The following OSBPL6 variants were observed in gnomAD, a reference collection of about 807,000 sequenced individuals.
OSBPL6 encodes oxysterol binding protein like 6.
A neutral mutation model predicts 125.8 loss-of-function variants in OSBPL6; 49 were observed. The ratio of observed to expected loss-of-function variants is 0.39; its 90% CI spans 0.31 to 0.49. The LOEUF (loss-of-function observed/expected upper bound fraction) is 0.49. Among genes scored for constraint, OSBPL6 ranks in the 20% least tolerant of loss-of-function variants. OSBPL6 has a pLI of 0.88. For missense variants in OSBPL6, 986 were observed against 1,135.4 expected, an observed-to-expected ratio of 0.87 and a Z score of 1.89; for synonymous variants, 394 against 391.8, an observed-to-expected ratio of 1.01 and a Z score of -0.07.
At chr2:178,227,182 C>T (rs62177225) in intron 1 of OSBPL6, among the ~76,000 whole-genome samples, 11,748 of 152,214 alleles carry the variant, frequency 0.077, 481 homozygotes, top group South Asian at 0.12. Context: ...AAAGGAAATA[C>T]ATATGGCTAA....
intron 1 of OSBPL6, among the ~76,000 whole-genome samples, chr2:178,206,602 T>G (rs921119232): frequency 6.6e-6 from 1 of 152,018 alleles, no homozygotes; most frequent in Non-Finnish European, 1.5e-5. Context: ...ACAGGAGGTT[T>G]TTTTGTTTTG....
intron 2 of OSBPL6, among the ~76,000 whole-genome samples, chr2:178,293,103 G>A (rs898010006): frequency 4.6e-5 from 7 of 151,834 alleles, no homozygotes; most frequent in Admixed American, 6.6e-5. Context: ...AGGAAGTCTC[G>A]GGTAAAGGGT....
chr2:178,293,993 T>C (rs1685510255), intron 2 of OSBPL6, among the ~76,000 whole-genome samples: 1 of 152,066 alleles, frequency 6.6e-6, no homozygotes, highest in African/African-American at 2.4e-5. Flanking sequence ...TATAAAACTT[T>C]TAGAAAAAAA....
At chr2:178,340,986 TA>T (rs1161683929) in intron 11 of OSBPL6, among the ~76,000 whole-genome samples, 1 of 152,220 alleles carries the variant, frequency 6.6e-6, no homozygotes, top group African/African-American at 2.4e-5. Flanking sequence ...CTTCTGTTCA[TA>T]AAATTAATAT....
At chr2:178,268,084 TC>T (rs889204185) in intron 1 of OSBPL6, among the ~76,000 whole-genome samples, 2 of 127,674 alleles carry the variant, frequency 1.6e-5, no homozygotes, top group African/African-American at 5.0e-5. Flanking sequence ...ATTTAAATTT[TC>T]TTTTTTTTTT....
intron 1 of OSBPL6, among the ~76,000 whole-genome samples, chr2:178,260,991 G>A (rs2092040158): frequency 6.6e-6 from 1 of 152,084 alleles, no homozygotes; most frequent in African/African-American, 2.4e-5. Flanking sequence ...AATTATCCAG[G>A]TGTGATGGCA....
At chr2:178,261,394 A>G (rs1367871523) in intron 1 of OSBPL6, among the ~76,000 whole-genome samples, 4 of 137,962 alleles carry the variant, frequency 2.9e-5, no homozygotes, top group African/African-American at 8.7e-5. Flanking sequence ...ATTATAATTG[A>G]AAAAAAAAAA....
chr2:178,290,428 T>G (rs1270757658), intron 2 of OSBPL6, among the ~76,000 whole-genome samples: 40 of 65,912 alleles, frequency 6.1e-4, no homozygotes, highest in Non-Finnish European at 1.3e-3. Context: ...GTAGTGGTTT[T>G]TTTTTTTTTT....
At chr2:178,246,780 A>C (rs1246546978) in intron 1 of OSBPL6, among the ~76,000 whole-genome samples, 1 of 152,138 alleles carries the variant, frequency 6.6e-6, no homozygotes, top group East Asian at 1.9e-4. Flanking sequence ...CCACTCCAGA[A>C]AGTCTTCCAT....
chr2:178,350,090 G>A (rs1691113197), intron 12 of OSBPL6, among the ~76,000 whole-genome samples: 1 of 152,172 alleles, frequency 6.6e-6, no homozygotes, highest in South Asian at 2.1e-4. Flanking sequence ...AGCACCATAG[G>A]CCAGCTCAGA....
At position 178,279,135 on chromosome 2, in the gene OSBPL6, A is replaced by G. The variant is rs560247731; in HGVS notation, c.-350-5792A>G. Reference sequence around the variant, plus strand: ...TTTTAGGAATTCTTTATTATTGTACAGAGTGCTGGGGTTTGCTTAATCTTG... The same window carrying G: ...TTTTAGGAATTCTTTATTATTGTACGGAGTGCTGGGGTTTGCTTAATCTTG... On this transcript the variant is annotated intron_variant, in intron 1 of 24. Coordinates refer to ENST00000190611, the MANE Select transcript of OSBPL6 (RefSeq NM_032523.4). Among the ~76,000 whole-genome samples, 16 of 152,294 alleles carry G rather than the reference A, an allele frequency of 1.1e-4. No homozygotes were observed. The South Asian group carries it at 2.9e-3, about 28-fold the overall frequency.
intron 1 of OSBPL6, among the ~76,000 whole-genome samples, chr2:178,203,046 G>A (rs988312682): frequency 2.0e-5 from 3 of 152,040 alleles, no homozygotes; most frequent in African/African-American, 7.2e-5. Context: ...TCTGTCTTTT[G>A]TGGGGAGTCC....
intron 3 of OSBPL6, among the ~76,000 whole-genome samples, chr2:178,312,994 C>T (rs991916539): frequency 3.3e-5 from 5 of 152,160 alleles, no homozygotes; most frequent in Middle Eastern, 3.4e-3. Flanking sequence ...CACCCAGGTT[C>T]AAGCAATTAT....
At chr2:178,285,470 T>C (rs1684611245) in intron 2 of OSBPL6, among the ~76,000 whole-genome samples, 1 of 152,208 alleles carries the variant, frequency 6.6e-6, no homozygotes, top group Non-Finnish European at 1.5e-5. Context: ...GCTTTCTTTA[T>C]ACACATATCC....
chr2:178,320,839 TCTATC>T (rs1688173855), intron 3 of OSBPL6, among the ~76,000 whole-genome samples: 2 of 152,220 alleles, frequency 1.3e-5, no homozygotes, highest in Non-Finnish European at 2.9e-5. Flanking sequence ...TTTCAAAAGT[TCTATC>T]CTATTGGAGC....
At chr2:178,372,051 T>G in intron 13 of OSBPL6, 75 bp from the exon 14 acceptor site, 1 of 1,102,792 alleles carries the variant, frequency 9.1e-7, no homozygotes, top group Non-Finnish European at 1.3e-6. Flanking sequence ...TTGTCTAACT[T>G]GTACCTGTGT....
chr2:178,207,360 G>C (rs185103780), intron 1 of OSBPL6, among the ~76,000 whole-genome samples: 4 of 152,196 alleles, frequency 2.6e-5, no homozygotes, highest in Non-Finnish European at 5.9e-5. Flanking sequence ...CTCTGCCTCT[G>C]TCTTACAAGG....
intron 1 of OSBPL6, among the ~76,000 whole-genome samples, chr2:178,227,284 A>C (rs976133965): frequency 2.6e-5 from 4 of 152,252 alleles, no homozygotes; most frequent in African/African-American, 9.6e-5. Context: ...TTCAATTGGC[A>C]AGAATAGAAA....
intron 1 of OSBPL6, among the ~76,000 whole-genome samples, chr2:178,216,545 A>G (rs2090101185): frequency 6.6e-6 from 1 of 152,220 alleles, no homozygotes; most frequent in African/African-American, 2.4e-5. Context: ...ATGCTGACCA[A>G]TGAATGTAGG....
Sources: allele counts gnomAD v4.1 joint callset (sites outside exome capture counted in the v4.1 genomes callset), GRCh38; gene constraint gnomAD v4.1.1; transcripts MANE v1.5; gene names NCBI Gene and HGNC (gene_info 2026-07-23, HGNC 2026-07-21).